Variants in HEYL observed in about 807,000 individuals in gnomAD.
HEYL encodes hairy/enhancer-of-split related with YRPW motif-like protein.
A neutral mutation model predicts 18.6 loss-of-function variants in HEYL; 12 were observed. The observed-to-expected ratio is 0.65, with a 90% confidence interval of 0.41 to 1.05. The LOEUF is 1.05. Ranked by LOEUF, HEYL falls within the 50% of genes least tolerant of loss-of-function variation. The pLI is 0.00. For missense variants in HEYL, 420 were observed against 444.7 expected (o/e 0.94, Z 0.50); for synonymous variants, 159 against 179.6 (o/e 0.89, Z 0.91).
chr1:39,639,526 C>A lies in HEYL; in HGVS notation c.80+20G>T, dbSNP rs760662729. The A allele has an allele frequency of 6.4e-7, 1 of 1,567,780 alleles. No individual in the cohort carries two copies. Among genetic ancestry groups the A allele is most frequent in the South Asian group, 1.2e-5 (1 of 86,142 alleles). ...CCCGCTCGCCCTCCGCCTGCTCGGT[C>A]CCCGCATCCCGGCCCTTACCTCAGC... On this transcript the variant is annotated intron_variant, in intron 1 of 4. Transcript: ENST00000372852.
intron 1 of HEYL, 120 bp downstream of exon 1, chr1:39,639,426 G>A: frequency 1.4e-6 from 1 of 712,760 alleles, no homozygotes; most frequent in South Asian, 2.0e-5. Context: ...TGGCCCCCGC[G>A]CTCACCTGCC....
At position 39,626,443 on chromosome 1, in the gene HEYL, CT is replaced by C; in HGVS notation, c.*63del. 4.3e-6 allele frequency: 6 copies of C among 1,403,720 alleles called. No individual in the cohort carries two copies. Among genetic ancestry groups the C allele is most frequent in the African/African-American group, 1.5e-5 (1 of 68,328 alleles). 87.0% of individuals were successfully genotyped at this position (1,403,720 alleles called of 1,614,324 possible). ...GAAGCAAAGCAGAAAAGGCAGTGCC[CT>C]TTTTTGGGCTCCTGGTAAAAGAACC... On this transcript the variant is annotated 3_prime_UTR_variant, in exon 5 of 5. Transcript: ENST00000372852.
At chr1:39,631,346 A>G (rs970155198) in intron 3 of HEYL, 150 bp downstream of exon 3, 2 of 655,888 alleles carry the variant, frequency 3.0e-6, no homozygotes, top group Non-Finnish European at 5.4e-6. Flanking sequence ...ATAAATTTCC[A>G]TTCCTTTTAC....
chr1:39,628,795 G>A (rs1054869356), intron 4 of HEYL, among the ~76,000 whole-genome samples: 7 of 151,270 alleles, frequency 4.6e-5, no homozygotes, highest in Non-Finnish European at 8.8e-5. Flanking sequence ...GTAGAGATGG[G>A]GTTTCACCGT....
At position 39,626,663 on chromosome 1, in the gene HEYL, C is replaced by T. The variant is rs1216449798; in HGVS notation, c.831G>A (p.Gln277=). The change falls in exon 5 of 5, where the codon CAG becomes CAA. Residue 277 remains glutamine, a synonymous_variant. Transcript: ENST00000372852. ...GACCAGGGGGTGTTGGGGAGGAAGA[C>T]TGCAGGAGGGGAGCGATGTGGCTGC... The part of the protein sequence containing the change: ...ARSSHIAPLL[Q]SSSPTPPGPT... 1 of 1,525,454 alleles carries T rather than the reference C, an allele frequency of 6.6e-7. No homozygotes were observed. Among genetic ancestry groups the T allele is most frequent in the African/African-American group, 1.4e-5 (1 of 72,584 alleles). The allele number at this position is 1,525,454 out of a possible 1,614,324, so 94.5% of individuals were successfully genotyped here. A position where few individuals can be genotyped will look rare whatever the true frequency, so the allele number is the denominator to read the frequency against.
Position 39,639,627 on chromosome 1 carries a change from G to T in HEYL, c.-2C>A. The T allele has an allele frequency of 6.4e-7, 1 of 1,552,838 alleles. No homozygotes were observed. Among genetic ancestry groups the T allele is most frequent in the Non-Finnish European group, 8.7e-7 (1 of 1,156,062 alleles). On this transcript the variant is annotated 5_prime_UTR_variant, in exon 1 of 5. Transcript: ENST00000372852. ...GCTCGGCTCCTTGGGTCGCTTCATG[G>T]CGAACGCAGGCTGCCTGGTCTCAGC...
chr1:39,632,426 G>T (rs1241945795), intron 2 of HEYL, among the ~76,000 whole-genome samples: 3 of 152,236 alleles, frequency 2.0e-5, no homozygotes, highest in East Asian at 1.9e-4. Context: ...CCTTTGAGGT[G>T]GGCCCTCTCA....
rs1027896542 is a variant in HEYL, at chr1:39,626,588, G to C, written c.906C>G (p.Ser302=). The C allele has an allele frequency of 4.4e-5, 69 of 1,553,616 alleles. No individual in the cohort carries two copies. The highest frequency in any genetic ancestry group is 5.9e-5 in the Non-Finnish European group (68 of 1,149,480). ...YVAVPTPNSS[S]PGPAGRPAGA... is the part of the protein sequence containing the mutation. ...CCGCTGGCCTCCCAGCTGGCCCTGG[G>C]GAGGATGAGTTGGGGGTGGGAACAG... The change falls in exon 5 of 5, where the codon TCC becomes TCG. Residue 302 remains serine (S), a synonymous_variant. Coordinates refer to ENST00000372852, the MANE Select transcript of HEYL (RefSeq NM_014571.4).
At chr1:39,632,598 AT>A (rs1345733722) in intron 2 of HEYL, 50 bp downstream of exon 2, 2 of 1,526,926 alleles carry the variant, frequency 1.3e-6, no homozygotes, top group Non-Finnish European at 1.8e-6. Flanking sequence ...ACTGCAGGGG[AT>A]TCATGGCAAC....
At position 39,623,593 on chromosome 1, in the gene HEYL, T is replaced by A. The variant is rs533007649; in HGVS notation, c.*2914A>T. The stretch of plus-strand genomic sequence containing the variant: ...TCAACCAACAAGTAAATTACACAAA[T>A]GGATATGCAGTGGCAAATTCTCCAT... On this transcript the variant is annotated 3_prime_UTR_variant, in exon 5 of 5. Coordinates refer to ENST00000372852, the MANE Select transcript of HEYL (RefSeq NM_014571.4). 6.6e-6 allele frequency among the ~76,000 whole-genome samples: 1 copy of A among 152,218 alleles called. No individual in the cohort carries two copies. Among genetic ancestry groups the A allele is most frequent in the South Asian group, 2.1e-4 (1 of 4,816 alleles).
chr1:39,633,045 C>T (rs1646343715), intron 1 of HEYL: 2 of 973,980 alleles, frequency 2.1e-6, no homozygotes, highest in Non-Finnish European at 2.4e-6. Context: ...GGCGAGGGCA[C>T]TGGCCGGCGG....
chr1:39,626,799 G>T lies in HEYL; in HGVS notation c.695C>A (p.Ala232Asp). The T allele has an allele frequency of 6.4e-7, 1 of 1,560,618 alleles. No individual in the cohort carries two copies. Among genetic ancestry groups the T allele is most frequent in the East Asian group, 2.4e-5 (1 of 42,044 alleles). ...LRRATGIILP[A>D]RRNVLPSRGA... ...TCGACTGGGCAGCACATTCCTCCGG[G>T]CTGGCAGGATGATGCCTGTGGCTCT... The change falls in exon 5 of 5, where the codon GCC (alanine) becomes GAC (aspartate). Residue 232 changes from alanine to aspartate, a missense_variant. Physicochemically the swap from Ala to Asp is moderately radical, Grantham distance 126. Transcript: ENST00000372852.
Position 39,627,176 on chromosome 1 carries a change from G to A in HEYL, c.318C>T (p.Phe106=). Residue 106 remains phenylalanine (F), a synonymous_variant, in exon 5 of 5, where the codon TTC becomes TTT. Coordinates refer to ENST00000372852, the MANE Select transcript of HEYL (RefSeq NM_014571.4). Reference sequence around the variant, plus strand: ...CAACTGCCAGGGCTCGGGCATCAAAGAATCCTGCAAAGGGAGGCGTGATGA... The same window carrying A: ...CAACTGCCAGGGCTCGGGCATCAAAAAATCCTGCAAAGGGAGGCGTGATGA... ...KMLHATGGTG[F]FDARALAVDF... is the part of the protein sequence containing the mutation. 1 of 1,610,866 alleles carries A rather than the reference G, an allele frequency of 6.2e-7. No homozygotes were observed. The highest frequency in any genetic ancestry group is 8.5e-7 in the Non-Finnish European group (1 of 1,177,556).
Position 39,624,261 on chromosome 1 carries a change from G to C in HEYL, c.*2246C>G, listed in dbSNP as rs1646283439. 6.6e-6 allele frequency: 1 copy of C among 152,252 alleles called. No homozygotes were observed. Among genetic ancestry groups the C allele is most frequent in the Non-Finnish European group, 1.5e-5 (1 of 68,054 alleles). 9.4% of individuals were successfully genotyped at this position (152,252 alleles called of 1,614,324 possible). On this transcript the variant is annotated 3_prime_UTR_variant, in exon 5 of 5. Coordinates refer to ENST00000372852, the MANE Select transcript of HEYL (RefSeq NM_014571.4). ...TTGGGGATAGAAACACAAGATGCAAGTCCTTGACCACAGAATCAGATCACA... is the reference window on the plus strand; with the variant it reads ...TTGGGGATAGAAACACAAGATGCAACTCCTTGACCACAGAATCAGATCACA...
chr1:39,635,442 A>AG (rs1230903348), intron 1 of HEYL, among the ~76,000 whole-genome samples: 4 of 152,210 alleles, frequency 2.6e-5, no homozygotes, highest in Admixed American at 6.5e-5. Context: ...CATCTGTTGG[A>AG]GGCTGACGCA....
chr1:39,626,702 G>T lies in HEYL; in HGVS notation c.792C>A (p.Ser264Arg). ...PATPVPVAPS[S>R]RAARSSHIAP... ...CGATGTGGCTGCTCCTGGCAGCCCT[G>T]CTGCTGGGGGCGACAGGCACAGGGG... is the stretch of plus-strand genomic sequence containing the variant. The change falls in exon 5 of 5, where the codon AGC (serine) becomes AGA (arginine). Residue 264 changes from serine (S) to arginine (R), a missense_variant. By Grantham distance (110) the Ser-to-Arg change is moderately radical. Coordinates refer to ENST00000372852, the MANE Select transcript of HEYL (RefSeq NM_014571.4). 6.6e-7 allele frequency: 1 copy of T among 1,504,498 alleles called. No individual in the cohort carries two copies. 93.2% of individuals were successfully genotyped at this position (1,504,498 alleles called of 1,614,324 possible).
Position 39,626,487 on chromosome 1 carries a change from C to T in HEYL, c.*20G>A, listed in dbSNP as rs1370321375. On this transcript the variant is annotated 3_prime_UTR_variant, in exon 5 of 5. Coordinates refer to ENST00000372852, the MANE Select transcript of HEYL (RefSeq NM_014571.4). ...AAAGAACCTTCCTTATTCCTTGGGG[C>T]GGGGTGGTGAAGGGGCAGCTCAGAA... 8.0e-6 allele frequency: 12 copies of T among 1,491,622 alleles called. No individual in the cohort carries two copies. Among genetic ancestry groups the T allele is most frequent in the East Asian group, 5.0e-5 (2 of 40,286 alleles). 92.4% of individuals were successfully genotyped at this position (1,491,622 alleles called of 1,614,324 possible). A position where few individuals can be genotyped will look rare whatever the true frequency, so the allele number is the denominator to read the frequency against.
intron 4 of HEYL, among the ~76,000 whole-genome samples, chr1:39,629,037 G>T (rs1458879711): frequency 6.6e-6 from 1 of 152,188 alleles, no homozygotes; most frequent in African/African-American, 2.4e-5. Context: ...TAAATCATTT[G>T]TCTAAGGTCA....
Position 39,626,969 on chromosome 1 carries a change from C to A in HEYL, c.525G>T (p.Trp175Cys). The A allele has an allele frequency of 1.2e-6, 2 of 1,614,048 alleles. No individual in the cohort carries two copies. The highest frequency in any genetic ancestry group is 1.7e-6 in the Non-Finnish European group (2 of 1,179,946). ...GACAGCTATGGAAGAAAGACCAGGG[C>A]CAGGCAGGGAAGGCCAAAGGGCCAG... ...TPTGPLAFPA[W>C]PWSFFHSCPG... is the part of the protein sequence containing the mutation. The change falls in exon 5 of 5, where the codon TGG becomes TGT. Residue 175 changes from tryptophan to cysteine, a missense_variant. Physicochemically the swap from Trp to Cys is radical, Grantham distance 215 (BLOSUM62 -2). Coordinates refer to ENST00000372852, the MANE Select transcript of HEYL (RefSeq NM_014571.4).
Sources: gnomAD v4.1 joint callset for allele counts (sites outside exome capture counted in the v4.1 genomes callset) on GRCh38, gnomAD v4.1.1 for gene constraint, MANE v1.5 for transcripts, NCBI Gene and HGNC (gene_info 2026-07-23, HGNC 2026-07-21) for gene names.